The following MARCHF1 variants were observed in gnomAD, a reference collection of about 807,000 sequenced individuals.
MARCHF1 encodes E3 ubiquitin-protein ligase MARCHF1.
MARCHF1 carries 40 observed loss-of-function variants against 54.2 expected under a neutral mutation model. The observed-to-expected ratio is 0.74, with a 90% confidence interval of 0.57 to 0.96. The LOEUF is 0.96. Ranked by LOEUF, MARCHF1 falls within the 40% of genes least tolerant of loss-of-function variation. The pLI, the probability that MARCHF1 is intolerant of heterozygous loss-of-function variation, is 0.00. For synonymous variants in MARCHF1, 236 were observed against 236.3 expected, an observed-to-expected ratio of 1.00 and a Z score of 0.01; for missense variants, 586 against 656.5, an observed-to-expected ratio of 0.89 and a Z score of 1.17.
chr4:164,370,110 G>A (rs1321276725), intron 1 of MARCHF1, among the ~76,000 whole-genome samples: 1 of 152,124 alleles, frequency 6.6e-6, no homozygotes, highest in African/African-American at 2.4e-5. Context: ...TATATGGACA[G>A]GAAAGCTCTA....
At chr4:163,849,596 A>T (rs1749588672) in intron 4 of MARCHF1, among the ~76,000 whole-genome samples, 1 of 152,178 alleles carries the variant, frequency 6.6e-6, no homozygotes, top group East Asian at 1.9e-4. Flanking sequence ...CTACAGATCC[A>T]TTAGTCTATG....
At chr4:163,642,555 A>G (rs550990617) in intron 5 of MARCHF1, among the ~76,000 whole-genome samples, 1 of 152,314 alleles carries the variant, frequency 6.6e-6, no homozygotes, top group Non-Finnish European at 1.5e-5. Context: ...TCTTTTCATT[A>G]AGGAGACAAG....
At chr4:163,894,378 C>G (rs1750728831) in intron 3 of MARCHF1, among the ~76,000 whole-genome samples, 1 of 151,650 alleles carries the variant, frequency 6.6e-6, no homozygotes, top group South Asian at 2.1e-4. Flanking sequence ...TAGCTACATA[C>G]CCAATATGCT....
intron 9 of MARCHF1, 38 bp from the exon 10 acceptor site, chr4:163,529,084 G>A: frequency 6.6e-7 from 1 of 1,521,370 alleles, no homozygotes. Context: ...TCACCAAGTT[G>A]TCCTCAGTGG....
At chr4:164,021,143 C>A (rs977111630) in intron 2 of MARCHF1, among the ~76,000 whole-genome samples, 3 of 150,392 alleles carry the variant, frequency 2.0e-5, no homozygotes, top group African/African-American at 7.4e-5. Context: ...ACCATATCAT[C>A]CAGACCAGTT....
intron 1 of MARCHF1, among the ~76,000 whole-genome samples, chr4:164,261,706 A>C (rs1733471217): frequency 6.6e-6 from 1 of 152,168 alleles, no homozygotes; most frequent in Non-Finnish European, 1.5e-5. Flanking sequence ...GTCTCAGTTC[A>C]AATGTCACTT....
intron 3 of MARCHF1, among the ~76,000 whole-genome samples, chr4:163,889,174 T>A (rs1342837826): frequency 6.6e-6 from 1 of 152,168 alleles, no homozygotes; most frequent in Admixed American, 6.5e-5. Context: ...ATATATTACA[T>A]TAAAATAACA....
intron 2 of MARCHF1, among the ~76,000 whole-genome samples, chr4:164,085,280 A>G (rs1265033405): frequency 6.6e-6 from 1 of 151,832 alleles, no homozygotes; most frequent in Non-Finnish European, 1.5e-5. Flanking sequence ...TAATTTATTT[A>G]AAATCCCTAG....
chr4:163,584,665 A>C (rs1460167145), intron 8 of MARCHF1: 1 of 152,224 alleles, frequency 6.6e-6, no homozygotes, highest in Non-Finnish European at 1.5e-5. Flanking sequence ...CCACAAAAGC[A>C]AGGAATGTGA....
chr4:163,772,575 G>A (rs1035396380), intron 4 of MARCHF1, among the ~76,000 whole-genome samples: 1 of 152,066 alleles, frequency 6.6e-6, no homozygotes, highest in Non-Finnish European at 1.5e-5. Flanking sequence ...TGTCAGCAGG[G>A]GGTCACTCTC....
chr4:163,979,294 G>A (rs1398767046), intron 3 of MARCHF1, among the ~76,000 whole-genome samples: 413 of 127,744 alleles, frequency 3.2e-3, no homozygotes, highest in East Asian at 9.1e-3. Context: ...TCTTGTGATA[G>A]TTTACTGAGA....
At chr4:163,847,010 A>C (rs1749501616) in intron 4 of MARCHF1, among the ~76,000 whole-genome samples, 1 of 152,154 alleles carries the variant, frequency 6.6e-6, no homozygotes, top group South Asian at 2.1e-4. Context: ...TTCTAGAAGA[A>C]AAAAAATCTC....
At chr4:164,210,429 T>A (rs1579626060) in intron 1 of MARCHF1, among the ~76,000 whole-genome samples, 1 of 152,064 alleles carries the variant, frequency 6.6e-6, no homozygotes, top group Non-Finnish European at 1.5e-5. Flanking sequence ...AATTAGAATA[T>A]AAATAGATAT....
chr4:164,188,188 GTGTTTT>G (rs1339706974), intron 1 of MARCHF1: 1 of 160,816 alleles, frequency 6.2e-6, no homozygotes, highest in Admixed American at 6.2e-5. Flanking sequence ...ACGTTTGGTT[GTGTTTT>G]TTACATACGA....
chr4:163,691,972 G>A (rs1178718817), intron 5 of MARCHF1, among the ~76,000 whole-genome samples: 4 of 152,116 alleles, frequency 2.6e-5, no homozygotes, highest in Non-Finnish European at 5.9e-5. Flanking sequence ...CAGAGATGGG[G>A]AGACTGACTG....
At chr4:164,244,670 C>G (rs1416089784) in intron 1 of MARCHF1, among the ~76,000 whole-genome samples, 2 of 150,922 alleles carry the variant, frequency 1.3e-5, no homozygotes, top group Non-Finnish European at 2.9e-5. Flanking sequence ...AATCCAGGAG[C>G]TGGTTTTTTG....
intron 2 of MARCHF1, among the ~76,000 whole-genome samples, chr4:164,014,902 G>A (rs1457267165): frequency 2.6e-5 from 4 of 152,028 alleles, no homozygotes; most frequent in African/African-American, 9.7e-5. Context: ...TAGAGCTAAA[G>A]AGAGAGAGAG....
chr4:163,812,286 T>TTA (rs560111777), intron 4 of MARCHF1, among the ~76,000 whole-genome samples: 9 of 138,580 alleles, frequency 6.5e-5, no homozygotes, highest in Non-Finnish European at 9.8e-5. Context: ...ATAACATATA[T>TTA]TATATATATA....
At chr4:164,226,787 C>T (rs1732267428) in intron 1 of MARCHF1, among the ~76,000 whole-genome samples, 1 of 152,004 alleles carries the variant, frequency 6.6e-6, no homozygotes, top group African/African-American at 2.4e-5. Context: ...AGCTCATCCC[C>T]ATCTCTCTCA....
Sources: allele counts gnomAD v4.1 joint callset (sites outside exome capture counted in the v4.1 genomes callset), GRCh38; gene constraint gnomAD v4.1.1; transcripts MANE v1.5; gene names NCBI Gene and HGNC (gene_info 2026-07-23, HGNC 2026-07-21).